The following PAK5 variants were observed in gnomAD, a reference collection of about 807,000 sequenced individuals.
PAK5 encodes the protein p21 (RAC1) activated kinase 5.
In PAK5, 16 loss-of-function variants were observed where a neutral mutation model predicts 65.9. The ratio of observed to expected loss-of-function variants is 0.24; its 90% CI spans 0.16 to 0.37. PAK5 has a LOEUF of 0.37. Ranked by LOEUF, PAK5 falls within the 10% of genes least tolerant of loss-of-function variation. The pLI, the probability that PAK5 is intolerant of heterozygous loss-of-function variation, is 1.00. For synonymous variants in PAK5, 371 were observed against 354.9 expected (o/e 1.05, Z -0.51); for missense variants, 785 against 903.9 (o/e 0.87, Z 1.69).
intron 2 of PAK5, among the ~76,000 whole-genome samples, chr20:9,704,619 T>C (rs2047982815): frequency 6.6e-6 from 1 of 152,204 alleles, no homozygotes; most frequent in African/African-American, 2.4e-5. Flanking sequence ...CTGCAACTAC[T>C]TGTTTTAGTT....
intron 2 of PAK5, among the ~76,000 whole-genome samples, chr20:9,708,029 T>C (rs1316022137): frequency 6.6e-6 from 1 of 152,228 alleles, no homozygotes; most frequent in Non-Finnish European, 1.5e-5. Flanking sequence ...AGCTACAACA[T>C]ACTTCTAGTT....
intron 1 of PAK5, among the ~76,000 whole-genome samples, chr20:9,722,276 A>G (rs2048224227): frequency 6.6e-6 from 1 of 152,198 alleles, no homozygotes; most frequent in African/African-American, 2.4e-5. Flanking sequence ...TATAAATAAC[A>G]GTGAAGACTT....
intron 3 of PAK5, among the ~76,000 whole-genome samples, chr20:9,636,408 C>T (rs2046983643): frequency 6.6e-6 from 1 of 152,040 alleles, no homozygotes; most frequent in Non-Finnish European, 1.5e-5. Context: ...CTTGATTTTT[C>T]CTGTTTTTGT....
At chr20:9,714,003 G>T (rs1320788540) in intron 1 of PAK5, among the ~76,000 whole-genome samples, 1 of 152,066 alleles carries the variant, frequency 6.6e-6, no homozygotes, top group African/African-American at 2.4e-5. Flanking sequence ...AACTAGAAGA[G>T]AAGAATTGTA....
At chr20:9,604,959 GT>G (rs1446326646) in intron 3 of PAK5, among the ~76,000 whole-genome samples, 1 of 152,182 alleles carries the variant, frequency 6.6e-6, no homozygotes, top group Non-Finnish European at 1.5e-5. Context: ...TCTAATTTGG[GT>G]TCCCTTGAAA....
At chr20:9,770,927 CAGAT>C (rs1264203692) in intron 1 of PAK5, among the ~76,000 whole-genome samples, 1 of 152,044 alleles carries the variant, frequency 6.6e-6, no homozygotes. Context: ...ACAAACAACT[CAGAT>C]AGAGCTGTCT....
At chr20:9,564,021 A>G (rs925934086) in intron 5 of PAK5, among the ~76,000 whole-genome samples, 10 of 152,292 alleles carry the variant, frequency 6.6e-5, no homozygotes, top group African/African-American at 2.4e-4. Flanking sequence ...TAGAAAGACA[A>G]AGAGGTCAAG....
chr20:9,588,724 T>A (rs1193350518), intron 3 of PAK5, among the ~76,000 whole-genome samples: 1 of 152,090 alleles, frequency 6.6e-6, no homozygotes, highest in East Asian at 1.9e-4. Context: ...TTTATAGAGA[T>A]CAATAATACA....
At chr20:9,763,927 T>C (rs1291727185) in intron 1 of PAK5, among the ~76,000 whole-genome samples, 1 of 152,162 alleles carries the variant, frequency 6.6e-6, no homozygotes, top group Non-Finnish European at 1.5e-5. Flanking sequence ...ATCACCTGAA[T>C]GTACCTGCAG....
chr20:9,633,506 A>G (rs918530268), intron 3 of PAK5, among the ~76,000 whole-genome samples: 7 of 152,202 alleles, frequency 4.6e-5, no homozygotes, highest in Admixed American at 2.6e-4. Flanking sequence ...AAGTGCCACA[A>G]AAGAATAAAT....
Position 9,766,413 on chromosome 20 carries a change from A to ACT in PAK5, c.-161-54979_-161-54978insAG, listed in dbSNP as rs1569079181. 4.2e-3 allele frequency among the ~76,000 whole-genome samples: 174 copies of ACT among 41,144 alleles called. 14 individuals carry two copies. The highest frequency in any genetic ancestry group is 0.011 in the African/African-American group (85 of 7,806). 27.0% of individuals were successfully genotyped at this position (41,144 alleles called of 152,430 possible). A position where few individuals can be genotyped will look rare whatever the true frequency, so the allele number is the denominator to read the frequency against. ...GTATATATATATTCAAGCAGAATATATATGTATATATATATTCAAGCAGAA... is the reference window on the plus strand; with the variant it reads ...GTATATATATATTCAAGCAGAATATACTTATGTATATATATATTCAAGCAGAA... On this transcript the variant is annotated intron_variant, in intron 1 of 9. Coordinates refer to ENST00000353224, the MANE Select transcript of PAK5 (RefSeq NM_177990.4).
At chr20:9,781,357 A>G (rs1318561322) in intron 1 of PAK5, among the ~76,000 whole-genome samples, 2 of 152,204 alleles carry the variant, frequency 1.3e-5, no homozygotes, top group Non-Finnish European at 2.9e-5. Flanking sequence ...CAGCTCACCC[A>G]TAGAAGGCCA....
At chr20:9,758,198 T>C (rs893985437) in intron 1 of PAK5, among the ~76,000 whole-genome samples, 24 of 152,300 alleles carry the variant, frequency 1.6e-4, no homozygotes, top group Non-Finnish European at 1.5e-5. Context: ...CAGGGAATAA[T>C]AGTGTTGCTA....
chr20:9,731,419 G>C (rs528969795), intron 1 of PAK5, among the ~76,000 whole-genome samples: 1 of 152,044 alleles, frequency 6.6e-6, no homozygotes. Context: ...TCCAGTATGT[G>C]TTTTATGCTT....
intron 7 of PAK5, among the ~76,000 whole-genome samples, chr20:9,551,249 G>C (rs565445351): frequency 6.6e-6 from 1 of 152,122 alleles, no homozygotes; most frequent in African/African-American, 2.4e-5. Flanking sequence ...TCACATAGAC[G>C]CTAAGCTGAG....
chr20:9,632,939 G>T (rs139630898), intron 3 of PAK5, among the ~76,000 whole-genome samples: 289 of 152,266 alleles, frequency 1.9e-3, no homozygotes, highest in African/African-American at 6.3e-3. Flanking sequence ...AGTTACAGAA[G>T]TGGGATCTTA....
chr20:9,773,289 G>T (rs2048853923), intron 1 of PAK5, among the ~76,000 whole-genome samples: 2 of 151,972 alleles, frequency 1.3e-5, no homozygotes. Context: ...TGCACAATGT[G>T]CAGGTTTGTT....
intron 2 of PAK5, among the ~76,000 whole-genome samples, chr20:9,706,628 G>A (rs975902895): frequency 6.6e-6 from 1 of 150,712 alleles, no homozygotes; most frequent in Admixed American, 6.6e-5. Context: ...ACAGGTGCAT[G>A]CCACCATTCC....
chr20:9,786,374 C>G (rs557150244), intron 1 of PAK5, among the ~76,000 whole-genome samples: 13 of 152,084 alleles, frequency 8.5e-5, no homozygotes, highest in Non-Finnish European at 1.8e-4. Context: ...TGATTTGTGT[C>G]CTGGCTGTGA....
Sources: allele counts gnomAD v4.1 joint callset (sites outside exome capture counted in the v4.1 genomes callset), GRCh38; gene constraint gnomAD v4.1.1; transcripts MANE v1.5; gene names NCBI Gene and HGNC (gene_info 2026-07-23, HGNC 2026-07-21).